The following CAMTA1 variants were observed in gnomAD, a reference collection of about 807,000 sequenced individuals.
The protein encoded by CAMTA1 is calmodulin-binding transcription activator 1.
In CAMTA1, 27 loss-of-function variants were observed where a neutral mutation model predicts 170.9. The ratio of observed to expected loss-of-function variants is 0.16; its 90% CI spans 0.12 to 0.22. The LOEUF (loss-of-function observed/expected upper bound fraction) is 0.22, where lower values mean the gene tolerates loss of function less well. Among genes scored for constraint, CAMTA1 ranks in the 10% least tolerant of loss-of-function variants. CAMTA1 has a pLI of 1.00. For missense variants in CAMTA1, 1,619 were observed against 2,217.2 expected, an observed-to-expected ratio of 0.73 and a Z score of 5.42; for synonymous variants, 833 against 891.5, an observed-to-expected ratio of 0.93 and a Z score of 1.17.
Position 7,570,463 on chromosome 1 carries a change from G to T in CAMTA1, c.511-69937G>T, listed in dbSNP as rs562788651. 6.6e-6 allele frequency among the ~76,000 whole-genome samples: 1 copy of T among 152,358 alleles called. No individual in the cohort carries two copies. Among genetic ancestry groups the T allele is most frequent in the East Asian group, 1.9e-4 (1 of 5,184 alleles). The stretch of plus-strand genomic sequence containing the variant: ...CAGCCCGTGCATGTGCCAAGGGCTG[G>T]CCCAGGATGTCGGCAGTCACCAGCA... On this transcript the variant is annotated intron_variant, in intron 6 of 22. Coordinates refer to ENST00000303635, the MANE Select transcript of CAMTA1 (RefSeq NM_015215.4). This position sits in a 1 kb window ranked among gnomAD's most constrained non-coding sequence, Gnocchi z 4.3.
rs186642802 is a variant in CAMTA1 at position 7,132,069 on chromosome 1, A to G, written c.302+40698A>G. On this transcript the variant is annotated intron_variant, in intron 4 of 22. Coordinates refer to ENST00000303635, the MANE Select transcript of CAMTA1 (RefSeq NM_015215.4). The stretch of plus-strand genomic sequence containing the variant: ...CTGTTACACACACACACACACACAC[A>G]CACGCACACACACTCCAATTTTGTT... 8.0e-3 allele frequency among the ~76,000 whole-genome samples: 1,217 copies of G among 151,800 alleles called. 14 individuals carry two copies. Among genetic ancestry groups the G allele is most frequent in the Non-Finnish European group, 0.011 (731 of 67,920 alleles).
intron 7 of CAMTA1, among the ~76,000 whole-genome samples, chr1:7,648,918 C>T (rs912304479): frequency 1.3e-5 from 2 of 152,224 alleles, no homozygotes; most frequent in African/African-American, 2.4e-5. Flanking sequence ...GGCGAGAGGC[C>T]AGCCAAGAGC....
intron 5 of CAMTA1, among the ~76,000 whole-genome samples, chr1:7,327,191 C>T (rs1015182589): frequency 3.3e-5 from 5 of 151,604 alleles, no homozygotes; most frequent in Non-Finnish European, 2.9e-5. Context: ...CCGAGGCAGG[C>T]GGATCACGAG....
intron 3 of CAMTA1, among the ~76,000 whole-genome samples, chr1:7,085,222 C>G (rs1640581376): frequency 6.6e-6 from 1 of 152,182 alleles, no homozygotes; most frequent in African/African-American, 2.4e-5. Flanking sequence ...ACAGATTGGC[C>G]AGAGCTGCCT....
intron 6 of CAMTA1, among the ~76,000 whole-genome samples, chr1:7,516,750 C>T (rs1335417233): frequency 3.9e-5 from 6 of 152,140 alleles, no homozygotes; most frequent in Non-Finnish European, 7.4e-5. Context: ...TTTTCCACTC[C>T]CCACAGGCCA....
chr1:7,131,912 C>T (rs879410795), intron 4 of CAMTA1, among the ~76,000 whole-genome samples: 9 of 151,946 alleles, frequency 5.9e-5, no homozygotes, highest in African/African-American at 1.4e-4. Context: ...AAAAATTAGC[C>T]GGCATGGTGG....
chr1:7,050,942 G>A lies in CAMTA1; in HGVS notation c.235-40362G>A, dbSNP rs1022453347. Among the ~76,000 whole-genome samples, 1 of 152,206 alleles carries A rather than the reference G, an allele frequency of 6.6e-6. No homozygotes were observed. The highest frequency in any genetic ancestry group is 2.4e-5 in the African/African-American group (1 of 41,436). On this transcript the variant is annotated intron_variant, in intron 3 of 22. Transcript: ENST00000303635. The surrounding 1 kb of genome is among the most constrained non-coding windows in gnomAD (Gnocchi z 4.8). ...CGCTGGAAGCCCGGCCCTCTGTACT[G>A]TGTGTTCCCAGGCACAGGGAGAATG...
rs971934649 is a variant in CAMTA1, at chr1:7,769,089, G to T, written c.*2598G>T. ...GGTAGAGACTTCCATAGAATTAAGAGGGTTCTCATGGAGGGGATAGGAAGT... is the reference window on the plus strand; with the variant it reads ...GGTAGAGACTTCCATAGAATTAAGATGGTTCTCATGGAGGGGATAGGAAGT... On this transcript the variant is annotated 3_prime_UTR_variant, in exon 23 of 23. Coordinates refer to ENST00000303635, the MANE Select transcript of CAMTA1 (RefSeq NM_015215.4). The T allele has an allele frequency of 4.6e-5, 7 of 152,594 alleles. No individual in the cohort carries two copies. Among genetic ancestry groups the T allele is most frequent in the African/African-American group, 1.7e-4 (7 of 41,364 alleles). The allele number at this position is 152,594 out of a possible 1,614,324, so 9.5% of individuals were successfully genotyped here.
intron 4 of CAMTA1, among the ~76,000 whole-genome samples, chr1:7,143,411 G>C (rs898838915): frequency 1.3e-5 from 2 of 152,204 alleles, no homozygotes; most frequent in Non-Finnish European, 2.9e-5. Context: ...GTTGTTTGGA[G>C]TAAGATGTAT....
chr1:7,586,866 C>T (rs1033555600), intron 6 of CAMTA1, among the ~76,000 whole-genome samples: 14 of 152,070 alleles, frequency 9.2e-5, no homozygotes, highest in African/African-American at 2.4e-4. Flanking sequence ...TGCTGTGGGG[C>T]GGGCAGAGAA....
At chr1:7,274,482 G>T (rs551253519) in intron 5 of CAMTA1, among the ~76,000 whole-genome samples, 2 of 152,188 alleles carry the variant, frequency 1.3e-5, no homozygotes, top group South Asian at 4.2e-4. Context: ...AAGGAAGAAT[G>T]GATAAATTTC....
intron 3 of CAMTA1, among the ~76,000 whole-genome samples, chr1:6,913,204 G>A (rs60221978): frequency 0.081 from 12,372 of 152,268 alleles, 769 homozygotes; most frequent in East Asian, 0.25. Context: ...TTAGGTCCAT[G>A]CCCTGTCTTT....
chr1:6,860,648 AC>A (rs1200797732), intron 3 of CAMTA1, among the ~76,000 whole-genome samples: 1 of 151,972 alleles, frequency 6.6e-6, no homozygotes, highest in Non-Finnish European at 1.5e-5. Flanking sequence ...AATGACTCAC[AC>A]CCGTAATCTC....
At chr1:7,747,802 A>G (rs2096866969) in intron 19 of CAMTA1, 21 bp downstream of exon 19, 1 of 1,577,624 alleles carries the variant, frequency 6.3e-7, no homozygotes, top group African/African-American at 1.4e-5. Flanking sequence ...GTTTTGCACC[A>G]CAGAAGGAAA....
At chr1:6,852,803 G>T (rs530655951) in intron 3 of CAMTA1, among the ~76,000 whole-genome samples, 1 of 152,184 alleles carries the variant, frequency 6.6e-6, no homozygotes, top group Non-Finnish European at 1.5e-5. Context: ...ATTGGCCGTT[G>T]GTTATTGAAC....
chr1:7,678,604 G>C (rs1172842592), intron 11 of CAMTA1, among the ~76,000 whole-genome samples: 1 of 152,192 alleles, frequency 6.6e-6, no homozygotes, highest in African/African-American at 2.4e-5. Flanking sequence ...AGGAGGCCCA[G>C]AGCTAGCCAA....
At chr1:7,107,649 T>C (rs1012389263) in intron 4 of CAMTA1, among the ~76,000 whole-genome samples, 2 of 152,148 alleles carry the variant, frequency 1.3e-5, no homozygotes, top group Non-Finnish European at 2.9e-5. Flanking sequence ...GCCTTTTTTG[T>C]GCACGCTCTG....
In CAMTA1 at chr1:7,713,949, G is replaced by A. The variant is rs1003592479; in HGVS notation, c.2915-18499G>A. ...TGCCCGGTGAGCACCGCAGCCACTC[G>A]GGGGTCCACACTGAAGAGGCCAAGT... On this transcript the variant is annotated intron_variant, in intron 11 of 22. Transcript: ENST00000303635. 2.0e-5 allele frequency among the ~76,000 whole-genome samples: 3 copies of A among 152,102 alleles called. No individual in the cohort carries two copies. In the East Asian group the frequency reaches 5.8e-4, roughly 29 times the overall value.
intron 3 of CAMTA1, among the ~76,000 whole-genome samples, chr1:6,861,112 C>T (rs1008305943): frequency 9.2e-5 from 14 of 152,062 alleles, no homozygotes; most frequent in Middle Eastern, 3.4e-3. Flanking sequence ...CATGCCACCA[C>T]GCCCGGCTAA....
Sources: allele counts gnomAD v4.1 joint callset (sites outside exome capture counted in the v4.1 genomes callset), GRCh38; gene constraint gnomAD v4.1.1; non-coding constraint Gnocchi (gnomAD v3.1); transcripts MANE v1.5; gene names NCBI Gene and HGNC (gene_info 2026-07-23, HGNC 2026-07-21).